RERG: variants seen among roughly 807,000 people sequenced by gnomAD.
RERG encodes ras-related and estrogen-regulated growth inhibitor.
A neutral mutation model predicts 23.2 loss-of-function variants in RERG; 25 were observed. The ratio of observed to expected loss-of-function variants is 1.08; its 90% confidence interval spans 0.79 to 1.50. RERG has a LOEUF of 1.50. Among genes scored for constraint, RERG ranks in the 40% most tolerant of loss-of-function variants. The pLI, the probability that RERG is intolerant of heterozygous loss-of-function variation, is 0.00. For synonymous variants in RERG, 81 were observed against 89.1 expected (o/e 0.91, Z 0.51); for missense variants, 253 against 250.1 (o/e 1.01, Z -0.08).
At chr12:15,180,455 G>C (rs930982814) in intron 2 of RERG, among the ~76,000 whole-genome samples, 1 of 152,056 alleles carries the variant, frequency 6.6e-6, no homozygotes, top group Non-Finnish European at 1.5e-5. Context: ...CAATGGCTCT[G>C]ACATGAAAAC....
At chr12:15,122,445 CAG>C (rs1863849840) in intron 2 of RERG, among the ~76,000 whole-genome samples, 1 of 152,144 alleles carries the variant, frequency 6.6e-6, no homozygotes, top group South Asian at 2.1e-4. Context: ...CTTCGCAAAA[CAG>C]AGCACAACGT....
intron 2 of RERG, among the ~76,000 whole-genome samples, chr12:15,161,716 C>CT (rs1300640181): frequency 6.6e-6 from 1 of 152,132 alleles, no homozygotes; most frequent in Non-Finnish European, 1.5e-5. Flanking sequence ...CTTCATGCAG[C>CT]TTACTATCTG....
At chr12:15,160,891 C>T (rs1040458794) in intron 2 of RERG, among the ~76,000 whole-genome samples, 1 of 151,776 alleles carries the variant, frequency 6.6e-6, no homozygotes, top group African/African-American at 2.4e-5. Flanking sequence ...AATCCCAGCA[C>T]TTCGGGAGGC....
chr12:15,139,036 T>TTTTTTTTTTTTTTG (rs66551951), intron 2 of RERG, among the ~76,000 whole-genome samples: 1 of 145,188 alleles, frequency 6.9e-6, no homozygotes, highest in African/African-American at 2.6e-5. Flanking sequence ...TTTTTTTTTT[T>TTTTTTTTTTTTTTG]GCCTGTGGGC....
chr12:15,177,382 G>A (rs1316547320), intron 2 of RERG, among the ~76,000 whole-genome samples: 1 of 152,206 alleles, frequency 6.6e-6, no homozygotes, highest in African/African-American at 2.4e-5. Flanking sequence ...GAACCCAGGA[G>A]GTGGAGGTTG....
chr12:15,109,315 T>C lies in RERG; in HGVS notation c.395A>G (p.Glu132Gly), dbSNP rs771987061. 1.2e-6 allele frequency: 2 copies of C among 1,613,978 alleles called. No individual in the cohort carries two copies. The highest frequency in any genetic ancestry group is 1.7e-6 in the Non-Finnish European group (2 of 1,180,002). The change falls in exon 5 of 5, where the codon GAA (glutamate) becomes GGA (glycine). Residue 132 changes from glutamate (E) to glycine (G), a missense_variant. Glu to Gly is a moderately conservative substitution (Grantham distance 98). Transcript: ENST00000256953. The stretch of plus-strand genomic sequence containing the variant: ...CAATTCTGTGGCCAGCTTCTCTCCT[T>C]CTTCTGTGCTAACCTGCCTGGAGTG... ...LDHSRQVSTE[E>G]GEKLATELAC...
At chr12:15,200,433 T>A (rs770199914) in intron 2 of RERG, among the ~76,000 whole-genome samples, 7 of 152,090 alleles carry the variant, frequency 4.6e-5, no homozygotes, top group Non-Finnish European at 1.0e-4. Flanking sequence ...CAACCATAAA[T>A]GACAGTGGTC....
At chr12:15,210,428 T>C (rs1442888592) in intron 2 of RERG, among the ~76,000 whole-genome samples, 1 of 152,178 alleles carries the variant, frequency 6.6e-6, no homozygotes, top group South Asian at 2.1e-4. Flanking sequence ...GAGAAATAAT[T>C]CTTAATTTTG....
At chr12:15,185,439 C>T (rs898521232) in intron 2 of RERG, among the ~76,000 whole-genome samples, 1 of 152,050 alleles carries the variant, frequency 6.6e-6, no homozygotes, top group African/African-American at 2.4e-5. Flanking sequence ...AGAGTGGCTA[C>T]CTGCTCTTAG....
intron 3 of RERG, among the ~76,000 whole-genome samples, chr12:15,115,217 T>G (rs185098395): frequency 6.6e-4 from 100 of 152,262 alleles, no homozygotes; most frequent in African/African-American, 2.3e-3. Flanking sequence ...GAACAACTGT[T>G]CTAAACACTT....
chr12:15,179,387 T>C (rs1864894053), intron 2 of RERG, among the ~76,000 whole-genome samples: 2 of 152,204 alleles, frequency 1.3e-5, no homozygotes, highest in Non-Finnish European at 2.9e-5. Context: ...TGCTTGTCTC[T>C]TTCTAAATTG....
intron 2 of RERG, among the ~76,000 whole-genome samples, chr12:15,181,891 A>T (rs79606309): frequency 6.6e-6 from 1 of 152,164 alleles, no homozygotes; most frequent in Non-Finnish European, 1.5e-5. Context: ...TTCGCTATTC[A>T]TAGAGCAAAC....
At chr12:15,185,744 C>T (rs542666492) in intron 2 of RERG, among the ~76,000 whole-genome samples, 192 of 151,902 alleles carry the variant, frequency 1.3e-3, no homozygotes, top group Middle Eastern at 0.01. Context: ...ACCTGGGTGA[C>T]GAGACCATTT....
intron 2 of RERG, among the ~76,000 whole-genome samples, chr12:15,213,319 T>C (rs1042335476): frequency 2.6e-5 from 4 of 152,248 alleles, no homozygotes; most frequent in Non-Finnish European, 5.9e-5. Flanking sequence ...GCAAGTCTTA[T>C]CACTTTAATT....
intron 3 of RERG, among the ~76,000 whole-genome samples, chr12:15,119,331 A>G (rs1473735598): frequency 1.3e-5 from 2 of 152,190 alleles, no homozygotes; most frequent in Admixed American, 1.3e-4. Flanking sequence ...GAAAATGGTT[A>G]AACTAAGACT....
intron 3 of RERG, among the ~76,000 whole-genome samples, chr12:15,117,523 C>G (rs909839015): frequency 1.3e-5 from 2 of 152,108 alleles, no homozygotes; most frequent in African/African-American, 4.8e-5. Context: ...AACCAAAGAA[C>G]TAGTGGGTCT....
intron 2 of RERG, among the ~76,000 whole-genome samples, chr12:15,123,042 C>A (rs969594412): frequency 3.9e-5 from 6 of 152,074 alleles, no homozygotes; most frequent in African/African-American, 1.2e-4. Flanking sequence ...CGTGATCTGC[C>A]CACCTCGGCC....
At chr12:15,179,179 G>C (rs1341004647) in intron 2 of RERG, among the ~76,000 whole-genome samples, 1 of 152,138 alleles carries the variant, frequency 6.6e-6, no homozygotes, top group Admixed American at 6.6e-5. Context: ...GATAAGAGTG[G>C]CTACTTCTCA....
At chr12:15,122,541 T>G (rs1322483341) in intron 2 of RERG, among the ~76,000 whole-genome samples, 1 of 152,190 alleles carries the variant, frequency 6.6e-6, no homozygotes, top group Admixed American at 6.5e-5. Context: ...AGCCAAAATA[T>G]TTGCAGTGCC....
Sources: allele counts gnomAD v4.1 joint callset (sites outside exome capture counted in the v4.1 genomes callset), GRCh38; gene constraint gnomAD v4.1.1; transcripts MANE v1.5; gene names NCBI Gene and HGNC (gene_info 2026-07-23, HGNC 2026-07-21).